Variants in SGK3 observed in about 807,000 individuals in gnomAD.
SGK3 encodes the protein serine/threonine-protein kinase Sgk3.
Under a neutral mutation model 68.5 loss-of-function variants are expected in SGK3, and 47 were observed. That is an observed-to-expected ratio of 0.69 (90% confidence interval 0.54 to 0.87). SGK3 has a LOEUF of 0.87. SGK3 is among the 40% of genes least tolerant of loss of function. SGK3 has a pLI of 0.00. For missense variants in SGK3, 479 were observed against 575.5 expected, an observed-to-expected ratio of 0.83 and a Z score of 1.72; for synonymous variants, 181 against 189.1, an observed-to-expected ratio of 0.96 and a Z score of 0.35.
At chr8:66,772,745 T>TAG (rs1806554544) in intron 1 of SGK3, among the ~76,000 whole-genome samples, 1 of 151,982 alleles carries the variant, frequency 6.6e-6, no homozygotes, top group African/African-American at 2.4e-5. Context: ...GTATTTTTAG[T>TAG]AGAGACAGGG....
intron 5 of SGK3, among the ~76,000 whole-genome samples, chr8:66,814,629 G>A (rs1399440693): frequency 6.6e-6 from 1 of 152,066 alleles, no homozygotes; most frequent in Non-Finnish European, 1.5e-5. Context: ...GCTTCACTTG[G>A]GACAGTGTTC....
intron 1 of SGK3, among the ~76,000 whole-genome samples, chr8:66,763,922 T>A (rs1334700222): frequency 6.6e-6 from 1 of 152,190 alleles, no homozygotes; most frequent in South Asian, 2.1e-4. Flanking sequence ...CAGACTGGAG[T>A]GCAGTGGCAC....
chr8:66,816,103 C>G (rs1360228573), intron 5 of SGK3, among the ~76,000 whole-genome samples: 1 of 150,966 alleles, frequency 6.6e-6, no homozygotes, highest in Non-Finnish European at 1.5e-5. Context: ...GGGTTCATGC[C>G]AGTCTCCTGC....
At chr8:66,841,965 G>A (rs115331982) in intron 13 of SGK3, among the ~76,000 whole-genome samples, 246 of 152,134 alleles carry the variant, frequency 1.6e-3, no homozygotes, top group African/African-American at 5.5e-3. Context: ...CATCTTTATC[G>A]TGGAGTACTT....
intron 1 of SGK3, among the ~76,000 whole-genome samples, chr8:66,792,199 C>A (rs1022330631): frequency 5.9e-5 from 9 of 151,842 alleles, no homozygotes; most frequent in African/African-American, 1.9e-4. Context: ...CGTGGTGGCA[C>A]GTGCCCGTAA....
At chr8:66,852,498 G>A (rs986558788) in intron 16 of SGK3, among the ~76,000 whole-genome samples, 3 of 151,930 alleles carry the variant, frequency 2.0e-5, no homozygotes, top group African/African-American at 7.2e-5. Flanking sequence ...GCCAGATGGT[G>A]TCGATCTTTT....
At chr8:66,738,414 A>G (rs1805385845) in intron 1 of SGK3, among the ~76,000 whole-genome samples, 1 of 152,188 alleles carries the variant, frequency 6.6e-6, no homozygotes, top group Non-Finnish European at 1.5e-5. Context: ...ATGCATAAAT[A>G]CCATCTTCAT....
chr8:66,828,171 T>C (rs967312340), intron 6 of SGK3, among the ~76,000 whole-genome samples: 2 of 152,084 alleles, frequency 1.3e-5, no homozygotes, highest in African/African-American at 4.8e-5. Context: ...GCTGTCTATG[T>C]TTGCTTTGTC....
At chr8:66,837,609 C>T (rs938919201) in intron 10 of SGK3, among the ~76,000 whole-genome samples, 2 of 152,000 alleles carry the variant, frequency 1.3e-5, no homozygotes, top group African/African-American at 4.8e-5. Context: ...GGCGAAACCC[C>T]ATCTCTACAA....
intron 15 of SGK3, among the ~76,000 whole-genome samples, chr8:66,847,821 C>T (rs1309145178): frequency 1.3e-5 from 2 of 149,948 alleles, no homozygotes; most frequent in Non-Finnish European, 2.9e-5. Flanking sequence ...TAAGTGCCTC[C>T]TGTCTGCATG....
intron 6 of SGK3, among the ~76,000 whole-genome samples, chr8:66,824,996 A>G (rs1435283573): frequency 1.3e-5 from 2 of 152,162 alleles, no homozygotes; most frequent in African/African-American, 4.8e-5. Flanking sequence ...AATGATTTCA[A>G]GTAATGTTTT....
chr8:66,793,791 C>A lies in SGK3; in HGVS notation c.55C>A (p.Pro19Thr). ...YKESCPSVSI[P>T]SSDEHREKKK... Reference sequence around the variant, plus strand: ...GGAAAGCTGCCCAAGTGTAAGCATTCCCAGCTCCGATGAACACAGAGAGAA... The same window carrying A: ...GGAAAGCTGCCCAAGTGTAAGCATTACCAGCTCCGATGAACACAGAGAGAA... Residue 19 changes from proline (P) to threonine (T), a missense_variant, in exon 2 of 17, where the codon CCC becomes ACC. Pro to Thr is a conservative substitution (Grantham distance 38). This residue lies in a region of SGK3 where 298 missense variants were observed against 329.4 expected (regional missense o/e 0.90). Transcript: ENST00000521198. 6.2e-7 allele frequency: 1 copy of A among 1,613,350 alleles called. No homozygotes were observed. The highest frequency in any genetic ancestry group is 8.5e-7 in the Non-Finnish European group (1 of 1,179,572).
intron 1 of SGK3, among the ~76,000 whole-genome samples, chr8:66,714,389 A>G (rs1200011810): frequency 6.6e-6 from 1 of 152,104 alleles, no homozygotes; most frequent in Non-Finnish European, 1.5e-5. Context: ...GTGCACCATT[A>G]GAGACCCAAT....
intron 3 of SGK3, among the ~76,000 whole-genome samples, chr8:66,800,379 CTTTT>C (rs35415180): frequency 2.9e-5 from 3 of 102,388 alleles, no homozygotes; most frequent in African/African-American, 1.1e-4. Context: ...TTTTTCATTT[CTTTT>C]TTTTTTTTTT....
At position 66,828,623 on chromosome 8, in the gene SGK3, G is replaced by A. The variant is rs760642594; in HGVS notation, c.418-31G>A. The A allele has an allele frequency of 3.1e-6, 5 of 1,613,214 alleles. No individual in the cohort carries two copies. The Admixed American group carries it at 6.7e-5, about 22-fold the overall frequency. ...TAATTAATTTTTGAAGCTCCAATAA[G>A]AATGTTGTTTTTCTTTCCCCACCTT... On this transcript the variant is annotated intron_variant, in intron 6 of 16. Transcript: ENST00000521198.
intron 4 of SGK3, among the ~76,000 whole-genome samples, chr8:66,810,229 A>G (rs1207272210): frequency 6.6e-6 from 1 of 152,142 alleles, no homozygotes; most frequent in Non-Finnish European, 1.5e-5. Flanking sequence ...CCACACCAAA[A>G]AAAACAAAAC....
chr8:66,760,362 T>C, intron 1 of SGK3, among the ~76,000 whole-genome samples: 1 of 137,292 alleles, frequency 7.3e-6, no homozygotes, highest in Admixed American at 8.2e-5. Context: ...TGAGACGGAG[T>C]CTTGCCCTGT....
chr8:66,792,078 CCAGCA>C (rs1807482083), intron 1 of SGK3, among the ~76,000 whole-genome samples: 1 of 152,038 alleles, frequency 6.6e-6, no homozygotes, highest in Non-Finnish European at 1.5e-5. Context: ...GCCTGTAATC[CCAGCA>C]CTTTGGAAGG....
At chr8:66,859,231 G>A (rs918327496) in intron 16 of SGK3, among the ~76,000 whole-genome samples, 180 bp from the exon 17 acceptor site, 1 of 152,134 alleles carries the variant, frequency 6.6e-6, no homozygotes, top group Non-Finnish European at 1.5e-5. Flanking sequence ...TACTCGGGAG[G>A]GTGAGGCAGG....
Sources: gnomAD v4.1 joint callset for allele counts (sites outside exome capture counted in the v4.1 genomes callset) on GRCh38, gnomAD v4.1.1 for gene constraint, gnomAD v4.1.1 regional missense constraint, MANE v1.5 for transcripts, NCBI Gene and HGNC (gene_info 2026-07-23, HGNC 2026-07-21) for gene names.